Variants in PDE6G observed in about 807,000 individuals in gnomAD.
PDE6G encodes the protein rod cGMP 3',5'-cyclic phosphodiesterase subunit gamma.
In PDE6G, 10 loss-of-function variants were observed where a neutral mutation model predicts 10.9. The observed-to-expected ratio is 0.91, with a 90% CI of 0.56 to 1.55. The LOEUF is 1.55. Among genes scored for constraint, PDE6G ranks in the 40% most tolerant of loss-of-function variants. The pLI, the probability that PDE6G is intolerant of heterozygous loss-of-function variation, is 0.00. For missense variants in PDE6G, 102 were observed against 110.1 expected, an observed-to-expected ratio of 0.93 and a Z score of 0.33; for synonymous variants, 41 against 42.8, an observed-to-expected ratio of 0.96 and a Z score of 0.16.
chr17:81,656,517 G>A lies in PDE6G; in HGVS notation c.-84C>T, dbSNP rs773964473. On this transcript the variant is annotated 5_prime_UTR_variant, in exon 1 of 4. Coordinates refer to ENST00000331056, the MANE Select transcript of PDE6G (RefSeq NM_002602.4). ...CCAAGTGCAGGGCGGGTCTCAGGGG[G>A]CTGTGCTGTGAGTGCTGGGCCTCCC... The A allele has an allele frequency of 1.3e-6, 1 of 763,910 alleles. No individual in the cohort carries two copies. The highest frequency in any genetic ancestry group is 2.4e-6 in the Non-Finnish European group (1 of 417,450). 47.3% of individuals were successfully genotyped at this position (763,910 alleles called of 1,614,324 possible).
At chr17:81,661,454 T>C (rs2036509405), upstream of PDE6G, among the ~76,000 whole-genome samples, 1 of 152,208 alleles carries the variant, frequency 6.6e-6, no homozygotes, top group Non-Finnish European at 1.5e-5. Flanking sequence ...CAGTGGCTCA[T>C]GCCTGTAATC....
chr17:81,659,467 C>T (rs183325315), upstream of PDE6G, among the ~76,000 whole-genome samples: 27 of 151,288 alleles, frequency 1.8e-4, no homozygotes, highest in East Asian at 3.3e-3. Flanking sequence ...GGCGTGGTGG[C>T]GGGCGCCTGT....
chr17:81,656,607 C>A, upstream of PDE6G: 1 of 735,298 alleles, frequency 1.4e-6, no homozygotes, highest in Non-Finnish European at 2.5e-6. Context: ...GTCTCAGTGC[C>A]ACCCTAATGA....
rs2036335264 is a variant in PDE6G, at chr17:81,650,712, G to A, written c.*362C>T. On this transcript the variant is annotated 3_prime_UTR_variant, in exon 4 of 4. Coordinates refer to ENST00000331056, the MANE Select transcript of PDE6G (RefSeq NM_002602.4). ...AAGCACTCTGGGGAGACCTGCCCTAGCTTTCCAGCTGGGAGGAGGGGACGA... is the reference window on the plus strand; with the variant it reads ...AAGCACTCTGGGGAGACCTGCCCTAACTTTCCAGCTGGGAGGAGGGGACGA... 4.4e-6 allele frequency: 2 copies of A among 459,124 alleles called. No homozygotes were observed. The highest frequency in any genetic ancestry group is 8.7e-6 in the Non-Finnish European group (2 of 229,426). 28.4% of individuals were successfully genotyped at this position (459,124 alleles called of 1,614,324 possible). A position where few individuals can be genotyped will look rare whatever the true frequency, so the allele number is the denominator to read the frequency against.
In PDE6G at chr17:81,651,417, C is replaced by G. The variant is rs909911174; in HGVS notation, c.187+228G>C. ...GCGAGGGGTTCTGTTCTTTCCCAAA[C>G]CCCTCCCCTCACCTGGTGCAAGTGT... On this transcript the variant is annotated intron_variant, in intron 3 of 3. Coordinates refer to ENST00000331056, the MANE Select transcript of PDE6G (RefSeq NM_002602.4). The surrounding 1 kb of genome is among the most constrained non-coding windows in gnomAD (Gnocchi z 4.8). 6.6e-6 allele frequency among the ~76,000 whole-genome samples: 1 copy of G among 152,070 alleles called. No homozygotes were observed. Among genetic ancestry groups the G allele is most frequent in the African/African-American group, 2.4e-5 (1 of 41,406 alleles).
Position 81,651,965 on chromosome 17 carries a change from G to A in PDE6G, c.147-280C>T, listed in dbSNP as rs1016280914. Among the ~76,000 whole-genome samples the A allele has an allele frequency of 1.3e-5, 2 of 152,210 alleles. No individual in the cohort carries two copies. Among genetic ancestry groups the A allele is most frequent in the African/African-American group, 4.8e-5 (2 of 41,460 alleles). The stretch of plus-strand genomic sequence containing the variant: ...CTGGGCAGGTGCGTGCCCTGGGGGA[G>A]TACGGGGGGGTGCGTGGTTGGTGCA... On this transcript the variant is annotated intron_variant, in intron 2 of 3. Transcript: ENST00000331056. This position sits in a 1 kb window ranked among gnomAD's most constrained non-coding sequence, Gnocchi z 4.8.
chr17:81,651,435 G>A lies in PDE6G; in HGVS notation c.187+210C>T, dbSNP rs1456355911. Among the ~76,000 whole-genome samples, 1 of 152,060 alleles carries A rather than the reference G, an allele frequency of 6.6e-6. No homozygotes were observed. The highest frequency in any genetic ancestry group is 2.4e-5 in the African/African-American group (1 of 41,392). On this transcript the variant is annotated intron_variant, in intron 3 of 3. Coordinates refer to ENST00000331056, the MANE Select transcript of PDE6G (RefSeq NM_002602.4). The surrounding 1 kb of genome is among the most constrained non-coding windows in gnomAD (Gnocchi z 4.8). ...TCCCAAACCCCTCCCCTCACCTGGT[G>A]CAAGTGTCCCAAATGGGGACAGCCC...
At chr17:81,655,877 C>T (rs556603354) in intron 1 of PDE6G, among the ~76,000 whole-genome samples, 8 of 152,240 alleles carry the variant, frequency 5.3e-5, no homozygotes, top group East Asian at 3.9e-4. Context: ...TTTGGGGACG[C>T]GGGCTCTGCA....
Position 81,653,070 on chromosome 17 carries a change from G to C in PDE6G, c.146+90C>G. On this transcript the variant is annotated intron_variant, in intron 2 of 3. Coordinates refer to ENST00000331056, the MANE Select transcript of PDE6G (RefSeq NM_002602.4). The surrounding 1 kb of genome is among the most constrained non-coding windows in gnomAD (Gnocchi z 5.2). Reference sequence around the variant, plus strand: ...GCTGGGACCACTCACCCAGTGAAGTGGCCCCAGGCTCTGCCCCGCCCTCCC... The same window carrying C: ...GCTGGGACCACTCACCCAGTGAAGTCGCCCCAGGCTCTGCCCCGCCCTCCC... 6.9e-7 allele frequency: 1 copy of C among 1,456,620 alleles called. No individual in the cohort carries two copies. The highest frequency in any genetic ancestry group is 9.6e-7 in the Non-Finnish European group (1 of 1,038,026). 90.2% of individuals were successfully genotyped at this position (1,456,620 alleles called of 1,614,324 possible). A position where few individuals can be genotyped will look rare whatever the true frequency, so the allele number is the denominator to read the frequency against.
At chr17:81,652,799 CGCG>C (rs1214285943) in intron 2 of PDE6G, among the ~76,000 whole-genome samples, 58 of 46,000 alleles carry the variant, frequency 1.3e-3, no homozygotes, top group Non-Finnish European at 1.7e-3. Context: ...GTCTCAAACT[CGCG>C]ATCCTAGGGG....
Position 81,653,055 on chromosome 17 carries a change from C to G in PDE6G, c.146+105G>C. 2 of 1,340,716 alleles carry G rather than the reference C, an allele frequency of 1.5e-6. No individual in the cohort carries two copies. Among genetic ancestry groups the G allele is most frequent in the Middle Eastern group, 1.9e-4 (1 of 5,322 alleles). 83.1% of individuals were successfully genotyped at this position (1,340,716 alleles called of 1,614,324 possible). On this transcript the variant is annotated intron_variant, in intron 2 of 3. Coordinates refer to ENST00000331056, the MANE Select transcript of PDE6G (RefSeq NM_002602.4). The surrounding 1 kb of genome is among the most constrained non-coding windows in gnomAD (Gnocchi z 5.2). ...TTCCCCAGCTGTGAGGCTGGGACCA[C>G]TCACCCAGTGAAGTGGCCCCAGGCT...
At chr17:81,656,251 C>T (rs2036445358) in intron 1 of PDE6G, among the ~76,000 whole-genome samples, 1 of 152,202 alleles carries the variant, frequency 6.6e-6, no homozygotes, top group South Asian at 2.1e-4. Flanking sequence ...CCTGAGGTTC[C>T]CAGACCATCA....
At chr17:81,661,500 T>C (rs2144414982), upstream of PDE6G, among the ~76,000 whole-genome samples, 1 of 152,100 alleles carries the variant, frequency 6.6e-6, no homozygotes, top group East Asian at 1.9e-4. Flanking sequence ...GTGGATCACC[T>C]GAGGTCAGGA....
At chr17:81,657,169 C>T (rs1260544762), upstream of PDE6G, 2 of 156,546 alleles carry the variant, frequency 1.3e-5, no homozygotes, top group Non-Finnish European at 2.8e-5. Context: ...CCGAGAGTCT[C>T]CACAGAAGCA....
chr17:81,659,226 C>T (rs1208198040), upstream of PDE6G, among the ~76,000 whole-genome samples: 2 of 139,704 alleles, frequency 1.4e-5, no homozygotes, highest in African/African-American at 5.4e-5. Flanking sequence ...AGTGAAATAT[C>T]GGTGGCTGCA....
rs1230767671 is a variant in PDE6G at position 81,653,336 on chromosome 17, T to C, written c.-31A>G. 6.2e-7 allele frequency: 1 copy of C among 1,608,242 alleles called. No homozygotes were observed. Among genetic ancestry groups the C allele is most frequent in the Non-Finnish European group, 8.5e-7 (1 of 1,179,744 alleles). On this transcript the variant is annotated 5_prime_UTR_variant, in exon 2 of 4. Transcript: ENST00000331056. This position sits in a 1 kb window ranked among gnomAD's most constrained non-coding sequence, Gnocchi z 5.2. ...GGCTGACGGAGACACCGCGGCAACC[T>C]TGGCTCCTGGACTCCCTCCTGCTGC...
In PDE6G at chr17:81,653,352, C is replaced by T; in HGVS notation, c.-47G>A. The T allele has an allele frequency of 6.2e-7, 1 of 1,603,068 alleles. No individual in the cohort carries two copies. Among genetic ancestry groups the T allele is most frequent in the Non-Finnish European group, 8.5e-7 (1 of 1,178,704 alleles). On this transcript the variant is annotated 5_prime_UTR_variant, in exon 2 of 4. Coordinates refer to ENST00000331056, the MANE Select transcript of PDE6G (RefSeq NM_002602.4). The surrounding 1 kb of genome is among the most constrained non-coding windows in gnomAD (Gnocchi z 5.2). ...GCGGCAACCTTGGCTCCTGGACTCC[C>T]TCCTGCTGCGGTCTGGGGGCAGACC...
At chr17:81,659,151 CTTTTTT>C (rs779928637), upstream of PDE6G, among the ~76,000 whole-genome samples, 3 of 114,702 alleles carry the variant, frequency 2.6e-5, no homozygotes, top group South Asian at 3.0e-4. Flanking sequence ...CAATCCATAT[CTTTTTT>C]TTTTTTTTTT....
upstream of PDE6G, among the ~76,000 whole-genome samples, chr17:81,657,400 T>C (rs959944916): frequency 6.6e-6 from 1 of 152,190 alleles, no homozygotes; most frequent in Non-Finnish European, 1.5e-5. Flanking sequence ...GCTAACATTC[T>C]TTCCTGCGGA....
Sources: allele counts gnomAD v4.1 joint callset (sites outside exome capture counted in the v4.1 genomes callset), GRCh38; gene constraint gnomAD v4.1.1; non-coding constraint Gnocchi (gnomAD v3.1); transcripts MANE v1.5; gene names NCBI Gene and HGNC (gene_info 2026-07-23, HGNC 2026-07-21).